TIMD4: variants seen among roughly 807,000 people sequenced by gnomAD.
TIMD4 encodes T-cell immunoglobulin and mucin domain-containing protein 4.
TIMD4 carries 31 observed loss-of-function variants against 41.2 expected under a neutral mutation model. That is an observed-to-expected ratio of 0.75 (90% CI 0.57 to 1.01). The LOEUF is 1.01. Among genes scored for constraint, TIMD4 ranks in the 50% least tolerant of loss-of-function variants. TIMD4 has a pLI of 0.00. For missense variants in TIMD4, 479 were observed against 472.5 expected, an observed-to-expected ratio of 1.01 and a Z score of -0.13; for synonymous variants, 204 against 177.1, an observed-to-expected ratio of 1.15 and a Z score of -1.21.
chr5:156,954,640 A>C lies in TIMD4; in HGVS notation c.175T>G (p.Cys59Gly). 6.2e-7 allele frequency: 1 copy of C among 1,614,208 alleles called. No homozygotes were observed. The highest frequency in any genetic ancestry group is 2.2e-5 in the East Asian group (1 of 44,888). ...GCCTCCTTGCAACCGGAGTAGGGGC[A>C]CTGGTCTTTCCCCCAGCACATGCTG... is the stretch of plus-strand genomic sequence containing the variant. ...SNSMCWGKDQ[C>G]PYSGCKEALI... Residue 59 changes from cysteine to glycine, a missense_variant, in exon 2 of 9, where the codon TGC becomes GGC. Cys to Gly is a radical substitution (Grantham distance 159). Transcript: ENST00000274532.
chr5:156,960,847 C>A (rs2113401695), intron 1 of TIMD4, among the ~76,000 whole-genome samples: 1 of 152,312 alleles, frequency 6.6e-6, no homozygotes, highest in African/African-American at 2.4e-5. Flanking sequence ...TGAGCATTTG[C>A]TATAGAGTGA....
At chr5:156,924,287 G>T in intron 6 of TIMD4, 1 of 362,694 alleles carries the variant, frequency 2.8e-6, no homozygotes, top group Non-Finnish European at 5.5e-6. Context: ...GATGAGTCAA[G>T]GACCCAGCTT....
intron 2 of TIMD4, 59 bp downstream of exon 2, chr5:156,954,356 A>G (rs1759921909): frequency 6.7e-7 from 1 of 1,501,738 alleles, no homozygotes; most frequent in East Asian, 2.3e-5. Flanking sequence ...CACTGATCCC[A>G]TTGTCCATTA....
intron 1 of TIMD4, among the ~76,000 whole-genome samples, chr5:156,961,251 A>G (rs1181385909): frequency 6.6e-6 from 1 of 152,226 alleles, no homozygotes; most frequent in Non-Finnish European, 1.5e-5. Flanking sequence ...CGAGGACGCA[A>G]AGAAAGAGGA....
In TIMD4 at chr5:156,961,808, C is replaced by CAAAAAAA. The variant is rs71578911; in HGVS notation, c.58+1326_58+1332dup. Among the ~76,000 whole-genome samples, 202 of 27,872 alleles carry CAAAAAAA rather than the reference C, an allele frequency of 7.2e-3. 5 individuals are homozygous for CAAAAAAA. Among genetic ancestry groups the CAAAAAAA allele is most frequent in the Non-Finnish European group, 1.0e-2 (120 of 12,006 alleles). The allele number at this position is 27,872 out of a possible 152,430, so 18.3% of individuals were successfully genotyped here. A position where few individuals can be genotyped will look rare whatever the true frequency, so the allele number is the denominator to read the frequency against. On this transcript the variant is annotated intron_variant, in intron 1 of 8. Transcript: ENST00000274532. ...TAGGCAAAAGAGCGAGACTCCGTCT[C>CAAAAAAA]AAAAAAAAAAAAAAAAAAAAAAAAA...
At chr5:156,939,754 T>C (rs926783523) in intron 5 of TIMD4, among the ~76,000 whole-genome samples, 4 of 152,214 alleles carry the variant, frequency 2.6e-5, no homozygotes, top group African/African-American at 7.2e-5. Context: ...TGACTCCTAA[T>C]TGCTAAATGG....
At chr5:156,939,228 C>T (rs1296467875) in intron 5 of TIMD4, among the ~76,000 whole-genome samples, 1 of 152,184 alleles carries the variant, frequency 6.6e-6, no homozygotes, top group African/African-American at 2.4e-5. Context: ...ATTTTTTAAC[C>T]TCTTCAAGCC....
rs1198522846 is a variant in TIMD4 at position 156,963,202 on chromosome 5, G to C, written c.-4C>G. On this transcript the variant is annotated 5_prime_UTR_variant, in exon 1 of 9. Coordinates refer to ENST00000274532, the MANE Select transcript of TIMD4 (RefSeq NM_138379.3). ...GAATGAGAGGTTCTTTGGACATTTT[G>C]ACGGTTGACCGGACCCAGGAGTCTG... The C allele has an allele frequency of 6.2e-7, 1 of 1,614,030 alleles. No homozygotes were observed. Among genetic ancestry groups the C allele is most frequent in the African/African-American group, 1.3e-5 (1 of 74,958 alleles).
At chr5:156,936,349 C>T (rs1278799305) in intron 5 of TIMD4, among the ~76,000 whole-genome samples, 2 of 152,196 alleles carry the variant, frequency 1.3e-5, no homozygotes, top group Admixed American at 1.3e-4. Context: ...TAATAAATGG[C>T]TACCATATAC....
Position 156,951,562 on chromosome 5 carries a change from G to A in TIMD4, c.629C>T (p.Thr210Ile), listed in dbSNP as rs776045275. 1.1e-5 allele frequency: 17 copies of A among 1,614,056 alleles called. No individual in the cohort carries two copies. Among genetic ancestry groups the A allele is most frequent in the African/African-American group, 2.7e-5 (2 of 74,906 alleles). The change falls in exon 3 of 9, where the codon ACA becomes ATA. Residue 210 changes from threonine to isoleucine, a missense_variant. Transcript: ENST00000274532. ...AGAAGGCTCGGGAGTCAGAAGACCT[G>A]TGGCTTCCTCCGGAAGGGTGCTTGG... ...LTPSTLPEEA[T>I]GLLTPEPSKE...
intron 6 of TIMD4, chr5:156,924,101 G>T (rs761214209): frequency 1.7e-5 from 4 of 237,012 alleles, no homozygotes; most frequent in Non-Finnish European, 3.3e-5. Context: ...CCTTGTGAAA[G>T]TCCCCACTGC....
intron 1 of TIMD4, among the ~76,000 whole-genome samples, chr5:156,957,926 C>T (rs928348222): frequency 1.3e-5 from 2 of 152,144 alleles, no homozygotes; most frequent in Non-Finnish European, 2.9e-5. Flanking sequence ...GGAGAGTCAA[C>T]ATTTTATTTT....
At chr5:156,940,715 G>C (rs572403695) in intron 5 of TIMD4, among the ~76,000 whole-genome samples, 1 of 151,400 alleles carries the variant, frequency 6.6e-6, no homozygotes, top group East Asian at 1.9e-4. Context: ...CCCTCCGCCC[G>C]GCAGCCGCCC....
At chr5:156,962,973 A>G (rs1753100530) in intron 1 of TIMD4, among the ~76,000 whole-genome samples, 168 bp downstream of exon 1, 1 of 152,146 alleles carries the variant, frequency 6.6e-6, no homozygotes, top group South Asian at 2.1e-4. Context: ...TCTGTGTAAC[A>G]AGGCAGGACA....
chr5:156,954,375 A>T, intron 2 of TIMD4, 40 bp downstream of exon 2: 2 of 1,573,342 alleles, frequency 1.3e-6, no homozygotes, highest in Non-Finnish European at 8.7e-7. Flanking sequence ...TAACCACTGA[A>T]TCTCTCCTTC....
intron 5 of TIMD4, among the ~76,000 whole-genome samples, chr5:156,946,933 C>T (rs923975508): frequency 1.3e-5 from 2 of 151,934 alleles, no homozygotes; most frequent in African/African-American, 4.8e-5. Context: ...CAAGGTGGCT[C>T]ATGCCTGCAA....
intron 1 of TIMD4, among the ~76,000 whole-genome samples, chr5:156,955,187 G>T (rs1033683189): frequency 6.6e-6 from 1 of 152,200 alleles, no homozygotes; most frequent in Non-Finnish European, 1.5e-5. Flanking sequence ...CAGGTGACCA[G>T]TTGAGTCTCT....
rs535351493 is a variant in TIMD4 at position 156,930,342 on chromosome 5, T to C, written c.845-4030A>G. On this transcript the variant is annotated intron_variant, in intron 5 of 8. Transcript: ENST00000274532. The stretch of plus-strand genomic sequence containing the variant: ...TTGCCAGTGAAAAAAATGAGGCCCA[T>C]GGGGTTGAGCAATGTGATGGAGGTT... 6.9e-4 allele frequency among the ~76,000 whole-genome samples: 105 copies of C among 152,210 alleles called. 2 individuals are homozygous for C. Among genetic ancestry groups the C allele is most frequent in the Admixed American group, 5.0e-3 (77 of 15,274 alleles).
intron 1 of TIMD4, among the ~76,000 whole-genome samples, chr5:156,960,428 A>G: frequency 7.2e-6 from 1 of 138,062 alleles, no homozygotes; most frequent in African/African-American, 2.7e-5. Flanking sequence ...TTTTTTTCAG[A>G]AAGAGTCTCA....
Sources: gnomAD v4.1 joint callset for allele counts (sites outside exome capture counted in the v4.1 genomes callset) on GRCh38, gnomAD v4.1.1 for gene constraint, MANE v1.5 for transcripts, NCBI Gene and HGNC (gene_info 2026-07-23, HGNC 2026-07-21) for gene names.